The following GTF2A1L variants were observed in gnomAD, a reference collection of about 807,000 sequenced individuals.
GTF2A1L encodes TFIIA-alpha and beta-like factor.
In GTF2A1L, 48 loss-of-function variants were observed where a neutral mutation model predicts 49.7. The observed-to-expected ratio is 0.97, with a 90% CI of 0.77 to 1.23. The LOEUF (loss-of-function observed/expected upper bound fraction) is 1.23, where lower values mean the gene tolerates loss of function less well. Ranked by LOEUF, GTF2A1L falls within the 50% of genes most tolerant of loss-of-function variation. The probability of loss-of-function intolerance (pLI) is 0.00; values close to 1 mark genes in which losing one functional copy is unlikely to be tolerated. For synonymous variants in GTF2A1L, 246 were observed against 193.5 expected, an observed-to-expected ratio of 1.27 and a Z score of -2.25; for missense variants, 736 against 564.8, an observed-to-expected ratio of 1.30 and a Z score of -3.07.
chr2:48,623,340 T>C (rs2104069772), intron 3 of GTF2A1L, among the ~76,000 whole-genome samples: 1 of 152,328 alleles, frequency 6.6e-6, no homozygotes, highest in South Asian at 2.1e-4. Flanking sequence ...GTCTGTACCA[T>C]CTTAAAACTT....
Position 48,667,396 on chromosome 2 carries a change from C to T in GTF2A1L, c.979-2326C>T, listed in dbSNP as rs190993218. Among the ~76,000 whole-genome samples the T allele has an allele frequency of 5.9e-4, 90 of 152,258 alleles. 1 individual carries two copies. Among genetic ancestry groups the T allele is most frequent in the African/African-American group, 2.0e-3 (85 of 41,558 alleles). On this transcript the variant is annotated intron_variant, in intron 6 of 8. Transcript: ENST00000403751. ...GTCCCATCTGTAAGGGCTGTCCCTC[C>T]TTGGATTTCAGGCTGCTTCAAGAAA...
chr2:48,651,862 AGAG>A (rs1164184271), intron 6 of GTF2A1L, among the ~76,000 whole-genome samples: 1 of 152,270 alleles, frequency 6.6e-6, no homozygotes, highest in Non-Finnish European at 1.5e-5. Flanking sequence ...AATTTGATCT[AGAG>A]GAGTTCATTG....
At chr2:48,638,021 C>G (rs890525167) in intron 3 of GTF2A1L, among the ~76,000 whole-genome samples, 1 of 152,158 alleles carries the variant, frequency 6.6e-6, no homozygotes, top group African/African-American at 2.4e-5. Context: ...CCTCCCAAGA[C>G]TTAACGAGGA....
chr2:48,677,533 G>A (rs1044619125), intron 8 of GTF2A1L, among the ~76,000 whole-genome samples: 3 of 151,934 alleles, frequency 2.0e-5, no homozygotes, highest in African/African-American at 7.2e-5. Flanking sequence ...GGATTTTGTA[G>A]TCCATTGTAA....
chr2:48,625,448 AT>A (rs1317419804), intron 3 of GTF2A1L, among the ~76,000 whole-genome samples: 3 of 144,100 alleles, frequency 2.1e-5, no homozygotes, highest in Non-Finnish European at 4.7e-5. Context: ...CTTTTAATAT[AT>A]TTTGGATATT....
chr2:48,633,953 C>A (rs1388744324), intron 3 of GTF2A1L, among the ~76,000 whole-genome samples: 1 of 152,030 alleles, frequency 6.6e-6, no homozygotes, highest in African/African-American at 2.4e-5. Flanking sequence ...GTGACCTCTG[C>A]TCTTTTTTTG....
Position 48,646,504 on chromosome 2 carries a change from G to C in GTF2A1L, c.440G>C (p.Arg147Thr). Residue 147 changes from arginine (R) to threonine (T), a missense_variant, in exon 6 of 9, where the codon AGA (arginine) becomes ACA (threonine). Coordinates refer to ENST00000403751, the MANE Select transcript of GTF2A1L (RefSeq NM_006872.5). ...ATTATGGTGACAGAGACTTCTGGAAGAGCAGGTATTCTTCAGCATCCAATT... is the reference window on the plus strand; with the variant it reads ...ATTATGGTGACAGAGACTTCTGGAACAGCAGGTATTCTTCAGCATCCAATT... ...VPIMVTETSGRAGILQHPIQQ... is the reference protein window; with the variant it reads ...VPIMVTETSGTAGILQHPIQQ... 6.2e-7 allele frequency: 1 copy of C among 1,613,732 alleles called. No individual in the cohort carries two copies. Among genetic ancestry groups the C allele is most frequent in the Non-Finnish European group, 8.5e-7 (1 of 1,179,966 alleles).
chr2:48,662,481 C>G (rs2104276915), intron 6 of GTF2A1L, among the ~76,000 whole-genome samples: 1 of 152,006 alleles, frequency 6.6e-6, no homozygotes, highest in South Asian at 2.1e-4. Flanking sequence ...CTAGGAATGT[C>G]TTAATTTATC....
At chr2:48,638,335 C>A (rs1166217457) in intron 3 of GTF2A1L, among the ~76,000 whole-genome samples, 2 of 152,170 alleles carry the variant, frequency 1.3e-5, no homozygotes, top group Non-Finnish European at 2.9e-5. Context: ...TAACAAAATA[C>A]TTGTAAACCG....
intron 6 of GTF2A1L, among the ~76,000 whole-genome samples, chr2:48,648,169 C>G (rs1677642167): frequency 6.6e-6 from 1 of 152,040 alleles, no homozygotes; most frequent in South Asian, 2.1e-4. Flanking sequence ...GATCTCTGAG[C>G]AAATCTGTTT....
At chr2:48,672,551 G>C (rs1679228814) in intron 8 of GTF2A1L, among the ~76,000 whole-genome samples, 1 of 152,194 alleles carries the variant, frequency 6.6e-6, no homozygotes, top group African/African-American at 2.4e-5. Flanking sequence ...GGCAGTGTAA[G>C]AACATGGAGA....
In GTF2A1L at chr2:48,655,254, A is replaced by G. The variant is rs369262249; in HGVS notation, c.978+8212A>G. 5.3e-5 allele frequency among the ~76,000 whole-genome samples: 8 copies of G among 152,156 alleles called. No homozygotes were observed. The East Asian group carries it at 1.3e-3, about 26-fold the overall frequency. On this transcript the variant is annotated intron_variant, in intron 6 of 8. Coordinates refer to ENST00000403751, the MANE Select transcript of GTF2A1L (RefSeq NM_006872.5). ...ATATTTCATGGTTTTTGGTGCTATT[A>G]TAAATGGTACCTAAAACTGCCATCA...
At chr2:48,651,860 C>T (rs1677868925) in intron 6 of GTF2A1L, among the ~76,000 whole-genome samples, 1 of 152,110 alleles carries the variant, frequency 6.6e-6, no homozygotes, top group Non-Finnish European at 1.5e-5. Context: ...ACAATTTGAT[C>T]TAGAGGAGTT....
intron 3 of GTF2A1L, among the ~76,000 whole-genome samples, chr2:48,638,754 C>T (rs1281534818): frequency 6.6e-6 from 1 of 152,036 alleles, no homozygotes; most frequent in African/African-American, 2.4e-5. Context: ...AAATAAAGGA[C>T]ATCCAAATAG....
At chr2:48,651,456 A>G (rs1207230316) in intron 6 of GTF2A1L, among the ~76,000 whole-genome samples, 1 of 144,302 alleles carries the variant, frequency 6.9e-6, no homozygotes, top group African/African-American at 2.6e-5. Context: ...TTTTTTTTTA[A>G]ATTGGAAACT....
chr2:48,658,936 T>C (rs911412164), intron 6 of GTF2A1L, among the ~76,000 whole-genome samples: 9 of 152,122 alleles, frequency 5.9e-5, no homozygotes, highest in African/African-American at 2.2e-4. Flanking sequence ...TTATATCTCC[T>C]TAACTTATGA....
At chr2:48,666,007 A>G (rs1482043272) in intron 6 of GTF2A1L, among the ~76,000 whole-genome samples, 3 of 152,028 alleles carry the variant, frequency 2.0e-5, no homozygotes, top group Non-Finnish European at 4.4e-5. Context: ...TAGGATTGTC[A>G]TCTTCAATCG....
At chr2:48,678,640 T>A (rs1249369511) in intron 8 of GTF2A1L, among the ~76,000 whole-genome samples, 1 of 152,120 alleles carries the variant, frequency 6.6e-6, no homozygotes, top group African/African-American at 2.4e-5. Context: ...TTTTATTGTG[T>A]CTGTGTCTAG....
chr2:48,621,201 C>T lies in GTF2A1L; in HGVS notation c.158C>T (p.Thr53Ile). ...ACCAAGGTTTTGCAGTCTAAAGCAA[C>T]AGAAGACTTCTTCAGAAATAGCATC... is the stretch of plus-strand genomic sequence containing the variant. ...WETKVLQSKA[T>I]EDFFRNSIQS... is the part of the protein sequence containing the mutation. Residue 53 changes from threonine (T) to isoleucine (I), a missense_variant, in exon 3 of 9, where the codon ACA (threonine) becomes ATA (isoleucine). Thr to Ile is a moderately conservative substitution (Grantham distance 89). Coordinates refer to ENST00000403751, the MANE Select transcript of GTF2A1L (RefSeq NM_006872.5). The T allele has an allele frequency of 6.2e-7, 1 of 1,613,982 alleles. No individual in the cohort carries two copies. Among genetic ancestry groups the T allele is most frequent in the Non-Finnish European group, 8.5e-7 (1 of 1,179,962 alleles).
Sources: gnomAD v4.1 joint callset for allele counts (sites outside exome capture counted in the v4.1 genomes callset) on GRCh38, gnomAD v4.1.1 for gene constraint, MANE v1.5 for transcripts, NCBI Gene and HGNC (gene_info 2026-07-23, HGNC 2026-07-21) for gene names.